The following FPGS variants were observed in gnomAD, a reference collection of about 807,000 sequenced individuals.
FPGS encodes folylpolyglutamate synthase, mitochondrial.
In FPGS, 53 loss-of-function variants were observed where a neutral mutation model predicts 66.5. That is an observed-to-expected ratio of 0.80 (90% confidence interval 0.64 to 1.00). FPGS has a LOEUF of 1.00. Ranked by LOEUF, FPGS falls within the 50% of genes least tolerant of loss-of-function variation. FPGS has a pLI of 0.00. For synonymous variants in FPGS, 348 were observed against 350.9 expected, an observed-to-expected ratio of 0.99 and a Z score of 0.09; for missense variants, 702 against 807.7, an observed-to-expected ratio of 0.87 and a Z score of 1.59.
rs140670878 is a variant in FPGS, at chr9:127,813,241, C to T, written c.1401C>T (p.Cys467=). Residue 467 remains cysteine (C), a synonymous_variant, in exon 15 of 15, where the codon TGC becomes TGT. Coordinates refer to ENST00000373247, the MANE Select transcript of FPGS (RefSeq NM_004957.6). ...TVTLDQVLLR[C]LEHQQHWNHL... ...CACTGGACCAGGTCCTGCTCCGCTG[C>T]CTGGAACACCAGCAGCACTGGAACC... is the stretch of plus-strand genomic sequence containing the variant. The T allele has an allele frequency of 7.5e-6, 12 of 1,609,882 alleles. No homozygotes were observed. In the African/African-American group the frequency reaches 1.1e-4, roughly 14 times the overall value.
chr9:127,809,860 CCGGGGCTGGCCCACGAGGAGGGG>C, intron 12 of FPGS, 26 bp downstream of exon 12: 1 of 1,250,436 alleles, frequency 8.0e-7, no homozygotes, highest in Non-Finnish European at 1.1e-6. Context: ...GGGGGTGGGG[CCGGGGCTGGCCCACGAGGAGGGG>C]CGGGATCTTG....
rs1564440686 is a variant in FPGS at position 127,804,610 on chromosome 9, G to A, written c.322-26G>A. ...TTAAGTGGCTGGTGGAGTAGAGCCT[G>A]CCCAGACAATCCCTTTTCTTTCAAG... is the stretch of plus-strand genomic sequence containing the variant. On this transcript the variant is annotated intron_variant, in intron 3 of 14. Coordinates refer to ENST00000373247, the MANE Select transcript of FPGS (RefSeq NM_004957.6). 7 of 1,614,054 alleles carry A rather than the reference G, an allele frequency of 4.3e-6. No individual in the cohort carries two copies. The Admixed American group carries it at 1.2e-4, about 27-fold the overall frequency.
intron 14 of FPGS, among the ~76,000 whole-genome samples, 186 bp from the exon 15 acceptor site, chr9:127,813,009 C>A (rs1332379494): frequency 1.3e-5 from 2 of 152,210 alleles, no homozygotes; most frequent in Non-Finnish European, 2.9e-5. Context: ...GGTGAAGTCA[C>A]TGAACCTGCC....
At chr9:127,804,189 T>C (rs1829718651) in intron 1 of FPGS, 96 bp from the exon 2 acceptor site, 2 of 1,513,152 alleles carry the variant, frequency 1.3e-6, no homozygotes, top group Admixed American at 1.8e-5. Flanking sequence ...GGTACTGGCC[T>C]TGTTGCCCTG....
At position 127,807,705 on chromosome 9, in the gene FPGS, G is replaced by A. The variant is rs1187502617; in HGVS notation, c.744+17G>A. 6 of 1,518,922 alleles carry A rather than the reference G, an allele frequency of 4.0e-6. No individual in the cohort carries two copies. Among genetic ancestry groups the A allele is most frequent in the South Asian group, 3.6e-5 (3 of 83,128 alleles). 94.1% of individuals were successfully genotyped at this position (1,518,922 alleles called of 1,614,324 possible). A position where few individuals can be genotyped will look rare whatever the true frequency, so the allele number is the denominator to read the frequency against. On this transcript the variant is annotated intron_variant, in intron 8 of 14. Transcript: ENST00000373247. This position sits in a 1 kb window ranked among gnomAD's most constrained non-coding sequence, Gnocchi z 5.8. Reference sequence around the variant, plus strand: ...ATCTTTAAGGTGACCAGGCAGACTGGGGGAAGGGAGAGACATGGAAGGCCT... The same window carrying A: ...ATCTTTAAGGTGACCAGGCAGACTGAGGGAAGGGAGAGACATGGAAGGCCT...
At chr9:127,812,948 G>T (rs1588566077) in intron 14 of FPGS, among the ~76,000 whole-genome samples, 1 of 152,342 alleles carries the variant, frequency 6.6e-6, no homozygotes, top group Middle Eastern at 3.4e-3. Context: ...GGGGTGCCTA[G>T]TGGGCAAAAG....
At position 127,809,740 on chromosome 9, in the gene FPGS, A is replaced by T; in HGVS notation, c.1117A>T (p.Thr373Ser). The T allele has an allele frequency of 6.3e-7, 1 of 1,585,430 alleles. No individual in the cohort carries two copies. Among genetic ancestry groups the T allele is most frequent in the Non-Finnish European group, 8.5e-7 (1 of 1,174,748 alleles). The change falls in exon 12 of 15, where the codon ACC (threonine) becomes TCC (serine). Residue 373 changes from threonine (T) to serine (S), a missense_variant. Transcript: ENST00000373247. ...RTQVLRRGPL[T>S]WYLDGAHTAS... Reference sequence around the variant, plus strand: ...GCAGGTGCTGCGGCGCGGGCCCCTCACCTGGTACCTGGACGGTGCGCACAC... The same window carrying T: ...GCAGGTGCTGCGGCGCGGGCCCCTCTCCTGGTACCTGGACGGTGCGCACAC...
chr9:127,808,109 A>C (rs1829894239), intron 8 of FPGS, 125 bp from the exon 9 acceptor site: 1 of 708,694 alleles, frequency 1.4e-6, no homozygotes, highest in Non-Finnish European at 2.4e-6. Context: ...TCATCTCGAA[A>C]AAGAAAAGAA....
chr9:127,813,442 C>T lies in FPGS; in HGVS notation c.1602C>T (p.Ile534=), dbSNP rs1292822461. 9 of 1,611,520 alleles carry T rather than the reference C, an allele frequency of 5.6e-6. No homozygotes were observed. The highest frequency in any genetic ancestry group is 7.6e-6 in the Non-Finnish European group (9 of 1,178,614). The change falls in exon 15 of 15, where the codon ATC becomes ATT. Residue 534 remains isoleucine, a synonymous_variant. Coordinates refer to ENST00000373247, the MANE Select transcript of FPGS (RefSeq NM_004957.6). ...GGATCAGCCAAGGCCGAGACCCCAT[C>T]TTCCAGCCACCTAGTCCCCCAAAGG... ...LQWISQGRDP[I]FQPPSPPKGL... is the part of the protein sequence containing the mutation.
chr9:127,807,151 A>T lies in FPGS; in HGVS notation c.502-58A>T. 1 of 1,604,670 alleles carries T rather than the reference A, an allele frequency of 6.2e-7. No homozygotes were observed. On this transcript the variant is annotated intron_variant, in intron 5 of 14. Transcript: ENST00000373247. The surrounding 1 kb of genome is among the most constrained non-coding windows in gnomAD (Gnocchi z 5.8). ...GGGGTGCTACGTGTTCCAGCACCCC[A>T]TCTCCCCAGAGAAGGGGCTGCATGG...
chr9:127,811,480 C>CA (rs10671024), intron 14 of FPGS, among the ~76,000 whole-genome samples: 4,091 of 143,948 alleles, frequency 0.028, 146 homozygotes, highest in East Asian at 0.1. Flanking sequence ...GAGACTGTCT[C>CA]AAAAAAAAAA....
In FPGS at chr9:127,813,872, C is replaced by T. The variant is rs929467953; in HGVS notation, c.*268C>T. The T allele has an allele frequency of 9.1e-6, 11 of 1,214,902 alleles. No individual in the cohort carries two copies. Among genetic ancestry groups the T allele is most frequent in the South Asian group, 7.4e-5 (2 of 26,872 alleles). 75.3% of individuals were successfully genotyped at this position (1,214,902 alleles called of 1,614,324 possible). On this transcript the variant is annotated 3_prime_UTR_variant, in exon 15 of 15. Transcript: ENST00000373247. Reference sequence around the variant, plus strand: ...TGGCCGTTCAGCCTGTCTCCCCCAACACCCCGCCTGCCTCCTGGCTCAGGC... The same window carrying T: ...TGGCCGTTCAGCCTGTCTCCCCCAATACCCCGCCTGCCTCCTGGCTCAGGC...
intron 4 of FPGS, chr9:127,806,454 C>T (rs143242693): frequency 0.011 from 1,801 of 157,186 alleles, 15 homozygotes; most frequent in Non-Finnish European, 0.015. Flanking sequence ...TGCAGTGAGC[C>T]AAGATTGCAC....
rs376080304 is a variant in FPGS, at chr9:127,810,975, C to T, written c.1318C>T (p.Pro440Ser). Reference sequence around the variant, plus strand: ...CCAGTTTGACTATGCCGTCTTCTGCCCTAACCTGACAGAGGTGTCATCCAC... The same window carrying T: ...CCAGTTTGACTATGCCGTCTTCTGCTCTAACCTGACAGAGGTGTCATCCAC... ...PCQFDYAVFC[P>S]NLTEVSSTGN... is the part of the protein sequence containing the mutation. Residue 440 changes from proline to serine, a missense_variant, in exon 14 of 15, where the codon CCT becomes TCT. Transcript: ENST00000373247. The T allele has an allele frequency of 1.9e-6, 3 of 1,586,764 alleles. No individual in the cohort carries two copies. The highest frequency in any genetic ancestry group is 2.6e-6 in the Non-Finnish European group (3 of 1,164,750).
Position 127,807,462 on chromosome 9 carries a change from T to C in FPGS, c.621T>C (p.Tyr207=). Reference sequence around the variant, plus strand: ...TGGAGGTGGGCATTGGCGGGGCTTATGACTGCACCAACATCATCAGGTGAG... The same window carrying C: ...TGGAGGTGGGCATTGGCGGGGCTTACGACTGCACCAACATCATCAGGTGAG... ...AVVEVGIGGA[Y]DCTNIIRKPV... is the part of the protein sequence containing the mutation. Residue 207 remains tyrosine (Y), a synonymous_variant, in exon 7 of 15, where the codon TAT becomes TAC. Coordinates refer to ENST00000373247, the MANE Select transcript of FPGS (RefSeq NM_004957.6). This position sits in a 1 kb window ranked among gnomAD's most constrained non-coding sequence, Gnocchi z 5.8. 1 of 1,614,146 alleles carries C rather than the reference T, an allele frequency of 6.2e-7. No homozygotes were observed. The highest frequency in any genetic ancestry group is 8.5e-7 in the Non-Finnish European group (1 of 1,180,012).
chr9:127,813,882 G>A lies in FPGS; in HGVS notation c.*278G>A. 5.0e-6 allele frequency: 6 copies of A among 1,202,566 alleles called. No homozygotes were observed. Among genetic ancestry groups the A allele is most frequent in the Non-Finnish European group, 6.2e-6 (6 of 969,514 alleles). The allele number at this position is 1,202,566 out of a possible 1,614,324, so 74.5% of individuals were successfully genotyped here. A position where few individuals can be genotyped will look rare whatever the true frequency, so the allele number is the denominator to read the frequency against. ...GCCTGTCTCCCCCAACACCCCGCCT[G>A]CCTCCTGGCTCAGGCCCAGCTTATT... On this transcript the variant is annotated 3_prime_UTR_variant, in exon 15 of 15. Transcript: ENST00000373247.
At chr9:127,810,856 C>A in intron 13 of FPGS, 89 bp from the exon 14 acceptor site, 1 of 676,230 alleles carries the variant, frequency 1.5e-6, no homozygotes, top group Non-Finnish European at 2.7e-6. Context: ...GAGGCTGCAT[C>A]TCCAGAGATG....
At position 127,810,035 on chromosome 9, in the gene FPGS, C is replaced by T. The variant is rs374911170; in HGVS notation, c.1216C>T (p.Pro406Ser). The T allele has an allele frequency of 6.2e-6, 10 of 1,611,686 alleles. No individual in the cohort carries two copies. The Middle Eastern group carries it at 8.4e-4, about 136-fold the overall frequency. The change falls in exon 13 of 15, where the codon CCC becomes TCC. Residue 406 changes from proline (P) to serine (S), a missense_variant. Physicochemically the swap from Pro to Ser is moderately conservative, Grantham distance 74. This residue lies in a region of FPGS where 351 missense variants were observed against 363.7 expected (regional missense o/e 0.97). Transcript: ENST00000373247. ...LQGRERPSGG[P>S]EVRVLLFNAT... Reference sequence around the variant, plus strand: ...AGCTCCTCACCTCTGTCGCAGTGGCCCCGAGGTTCGAGTCTTGCTCTTCAA... The same window carrying T: ...AGCTCCTCACCTCTGTCGCAGTGGCTCCGAGGTTCGAGTCTTGCTCTTCAA...
In FPGS at chr9:127,813,259, C is replaced by T; in HGVS notation, c.1419C>T (p.His473=). 1.2e-6 allele frequency: 2 copies of T among 1,612,316 alleles called. No individual in the cohort carries two copies. Among genetic ancestry groups the T allele is most frequent in the Middle Eastern group, 1.7e-4 (1 of 6,060 alleles). Reference sequence around the variant, plus strand: ...TCCGCTGCCTGGAACACCAGCAGCACTGGAACCACCTGGACGAAGAGCAGG... The same window carrying T: ...TCCGCTGCCTGGAACACCAGCAGCATTGGAACCACCTGGACGAAGAGCAGG... ...VLLRCLEHQQ[H]WNHLDEEQAS... The change falls in exon 15 of 15, where the codon CAC becomes CAT. Residue 473 remains histidine (H), a synonymous_variant. Transcript: ENST00000373247.
Sources: gnomAD v4.1 joint callset for allele counts (sites outside exome capture counted in the v4.1 genomes callset) on GRCh38, gnomAD v4.1.1 for gene constraint, gnomAD v4.1.1 regional missense constraint, Gnocchi (gnomAD v3.1) non-coding constraint, MANE v1.5 for transcripts, NCBI Gene and HGNC (gene_info 2026-07-23, HGNC 2026-07-21) for gene names.